Variants in RNF150 observed in about 807,000 individuals in gnomAD.
RNF150 encodes the protein ring finger protein 150.
In RNF150, 24 loss-of-function variants were observed where a neutral mutation model predicts 39.3. That is an observed-to-expected ratio of 0.61 (90% CI 0.44 to 0.86). The LOEUF (loss-of-function observed/expected upper bound fraction) is 0.86. RNF150 is among the 40% of genes least tolerant of loss of function. The pLI, the probability that RNF150 is intolerant of heterozygous loss-of-function variation, is 0.00. For missense variants in RNF150, 502 were observed against 587.8 expected, an observed-to-expected ratio of 0.85 and a Z score of 1.51; for synonymous variants, 255 against 227.3, an observed-to-expected ratio of 1.12 and a Z score of -1.10.
intron 1 of RNF150, among the ~76,000 whole-genome samples, chr4:141,078,259 A>G (rs1355951567): frequency 6.6e-6 from 1 of 152,300 alleles, no homozygotes; most frequent in East Asian, 1.9e-4. Flanking sequence ...GCCCTAGGCC[A>G]ACAGGGACTT....
chr4:141,178,848 T>C (rs1046608797), intron 1 of RNF150, among the ~76,000 whole-genome samples: 1 of 150,488 alleles, frequency 6.6e-6, no homozygotes, highest in Non-Finnish European at 1.5e-5. Context: ...CTAGAACACA[T>C]ACTAGTGTTC....
intron 6 of RNF150, among the ~76,000 whole-genome samples, chr4:140,907,041 C>T (rs996085506): frequency 1.3e-5 from 2 of 152,190 alleles, no homozygotes; most frequent in Non-Finnish European, 2.9e-5. Flanking sequence ...GTGTCTTTCT[C>T]TCACTTCTCT....
chr4:141,132,573 T>C lies in RNF150; in HGVS notation c.236A>G (p.Glu79Gly). Reference sequence around the variant, plus strand: ...GCGGGCGTCCTGCTTGGGCGAGTGCTCTCCGTAGCGCCCGCACTCCGTCTT... The same window carrying C: ...GCGGGCGTCCTGCTTGGGCGAGTGCCCTCCGTAGCGCCCGCACTCCGTCTT... The part of the protein sequence containing the change: ...TEKTECGRYG[E>G]HSPKQDARGE... The change falls in exon 1 of 7, where the codon GAG (glutamate) becomes GGG (glycine). Residue 79 changes from glutamate (E) to glycine (G), a missense_variant. By Grantham distance (98) the Glu-to-Gly change is moderately conservative (BLOSUM62 -2). Transcript: ENST00000515673. This position sits in a 1 kb window ranked among gnomAD's most constrained non-coding sequence, Gnocchi z 4.9. 1.3e-6 allele frequency: 2 copies of C among 1,582,180 alleles called. No individual in the cohort carries two copies. The highest frequency in any genetic ancestry group is 1.3e-5 in the African/African-American group (1 of 74,164).
intron 1 of RNF150, among the ~76,000 whole-genome samples, chr4:141,098,463 G>A (rs1738885281): frequency 1.3e-5 from 2 of 152,202 alleles, no homozygotes; most frequent in Non-Finnish European, 2.9e-5. Context: ...GTGGGTGTTT[G>A]CCTCATACTG....
At chr4:141,204,890 G>C (rs541103924) in intron 1 of RNF150, among the ~76,000 whole-genome samples, 1 of 152,128 alleles carries the variant, frequency 6.6e-6, no homozygotes, top group Non-Finnish European at 1.5e-5. Flanking sequence ...TATTTTAAAG[G>C]ACCTTTTTCA....
chr4:140,991,327 C>T (rs1734190618), intron 1 of RNF150, among the ~76,000 whole-genome samples: 1 of 152,120 alleles, frequency 6.6e-6, no homozygotes, highest in Admixed American at 6.5e-5. Flanking sequence ...GTTTCTTTTG[C>T]TGTGCAGAAG....
At chr4:140,990,789 A>G (rs1322011609) in intron 1 of RNF150, among the ~76,000 whole-genome samples, 4 of 152,148 alleles carry the variant, frequency 2.6e-5, no homozygotes, top group Non-Finnish European at 5.9e-5. Context: ...TAGTGCTGCA[A>G]TGAACATACG....
intron 1 of RNF150, among the ~76,000 whole-genome samples, chr4:141,037,120 A>ATTATAGAT (rs1346649634): frequency 6.6e-6 from 1 of 152,184 alleles, no homozygotes; most frequent in Non-Finnish European, 1.5e-5. Flanking sequence ...GTAGAAGAAA[A>ATTATAGAT]TTATAGATGG....
At chr4:140,903,451 C>A (rs1368897013) in intron 6 of RNF150, among the ~76,000 whole-genome samples, 1 of 152,128 alleles carries the variant, frequency 6.6e-6, no homozygotes, top group Non-Finnish European at 1.5e-5. Context: ...GCTTTAGAAT[C>A]GAAATGCAAA....
rs1560678959 is a variant in RNF150 at position 141,000,011 on chromosome 4, G to GAA, written c.485-32140_485-32139dup. Among the ~76,000 whole-genome samples, 115 of 31,658 alleles carry GAA rather than the reference G, an allele frequency of 3.6e-3. 7 individuals carry two copies. Among genetic ancestry groups the GAA allele is most frequent in the Admixed American group, 6.9e-3 (19 of 2,756 alleles). 20.8% of individuals were successfully genotyped at this position (31,658 alleles called of 152,430 possible). On this transcript the variant is annotated intron_variant, in intron 1 of 6. Coordinates refer to ENST00000515673, the MANE Select transcript of RNF150 (RefSeq NM_020724.2). ...AAGAAGAAAAGAAGAAGAAGAAGAAGAAGAAGAAGAAGAAGAAGAAGAAGA... is the reference window on the plus strand; with the variant it reads ...AAGAAGAAAAGAAGAAGAAGAAGAAGAAAAGAAGAAGAAGAAGAAGAAGAAGA...
In RNF150 at chr4:140,967,625, G is replaced by T. The variant is rs1213926569; in HGVS notation, c.733C>A (p.Gln245Lys). The change falls in exon 2 of 7, where the codon CAG becomes AAG. Residue 245 changes from glutamine (Q) to lysine (K), a missense_variant and splice_region_variant. By Grantham distance (53) the Gln-to-Lys change is moderately conservative (BLOSUM62 1). Transcript: ENST00000515673. ...TTTTTTAACTTTTTGCTACTCACCT[G>T]GTTCCTATCCCTGGCATTTGCATAT... is the stretch of plus-strand genomic sequence containing the variant. ...FRYANARDRN[Q>K]RRLGDAAKKA... The T allele has an allele frequency of 6.2e-7, 1 of 1,602,824 alleles. No individual in the cohort carries two copies. Among genetic ancestry groups the T allele is most frequent in the African/African-American group, 1.3e-5 (1 of 74,570 alleles).
chr4:141,060,988 C>T (rs534395484), intron 1 of RNF150, among the ~76,000 whole-genome samples: 10 of 152,010 alleles, frequency 6.6e-5, no homozygotes, highest in South Asian at 2.1e-4. Context: ...GGGCCTTTTG[C>T]GGGGTCGGGG....
At chr4:141,202,337 T>C (rs1206735170) in intron 1 of RNF150, among the ~76,000 whole-genome samples, 2 of 152,118 alleles carry the variant, frequency 1.3e-5, no homozygotes, top group Non-Finnish European at 2.9e-5. Context: ...GGAAGAGAGC[T>C]AGGAGAACTT....
intron 1 of RNF150, among the ~76,000 whole-genome samples, chr4:141,183,400 G>A (rs959073924): frequency 6.6e-6 from 1 of 152,052 alleles, no homozygotes; most frequent in Non-Finnish European, 1.5e-5. Context: ...AAAAACCTGT[G>A]AATATGATAG....
chr4:141,177,054 G>GAAAAAAAA (rs5862514), intron 1 of RNF150, among the ~76,000 whole-genome samples: 6 of 111,700 alleles, frequency 5.4e-5, no homozygotes, highest in Non-Finnish European at 1.1e-4. Flanking sequence ...TGTCTCCTAG[G>GAAAAAAAA]AAAAAAAAAA....
At chr4:141,139,731 A>G (rs557997420) in intron 1 of RNF150, among the ~76,000 whole-genome samples, 1 of 152,234 alleles carries the variant, frequency 6.6e-6, no homozygotes, top group Non-Finnish European at 1.5e-5. Context: ...GGATGATTTT[A>G]TGAGGTCATT....
At chr4:140,918,327 C>A (rs555486673) in intron 5 of RNF150, among the ~76,000 whole-genome samples, 29 of 152,142 alleles carry the variant, frequency 1.9e-4, no homozygotes, top group Non-Finnish European at 4.0e-4. Flanking sequence ...AGAGAAGAAT[C>A]AAATAGACGC....
intron 2 of RNF150, among the ~76,000 whole-genome samples, chr4:140,957,776 C>G (rs1368769912): frequency 6.6e-6 from 1 of 151,894 alleles, no homozygotes; most frequent in African/African-American, 2.4e-5. Flanking sequence ...TGGAAATCAT[C>G]ATTCTCAGTA....
intron 1 of RNF150, among the ~76,000 whole-genome samples, chr4:141,079,493 T>C (rs1034729355): frequency 2.0e-5 from 3 of 152,092 alleles, no homozygotes; most frequent in Non-Finnish European, 4.4e-5. Flanking sequence ...CCTGGGCGAG[T>C]TACTTAGCCT....
Sources: gnomAD v4.1 joint callset for allele counts (sites outside exome capture counted in the v4.1 genomes callset) on GRCh38, gnomAD v4.1.1 for gene constraint, Gnocchi (gnomAD v3.1) non-coding constraint, MANE v1.5 for transcripts, NCBI Gene and HGNC (gene_info 2026-07-23, HGNC 2026-07-21) for gene names.